Variants in HAPLN1 observed in about 807,000 individuals in gnomAD.
The protein encoded by HAPLN1 is hyaluronan and proteoglycan link protein 1, also known as Cartilage link protein.
A neutral mutation model predicts 36.5 loss-of-function variants in HAPLN1; 13 were observed. The observed-to-expected ratio is 0.36, with a 90% CI of 0.23 to 0.57. The LOEUF is 0.57. HAPLN1 is among the 20% of genes least tolerant of loss of function. HAPLN1 has a pLI of 0.83. For missense variants in HAPLN1, 407 were observed against 439.7 expected, an observed-to-expected ratio of 0.93 and a Z score of 0.66; for synonymous variants, 202 against 169.8, an observed-to-expected ratio of 1.19 and a Z score of -1.48.
At chr5:83,645,475 C>CTTTTTTTTTCTTTTTTTTTTTTTTT (rs1554047320) in intron 3 of HAPLN1, among the ~76,000 whole-genome samples, 1 of 74,370 alleles carries the variant, frequency 1.3e-5, no homozygotes, top group African/African-American at 6.2e-5. Context: ...CTTTTTCTTT[C>CTTTTTTTTTCTTTTTTTTTTTTTTT]TTTTTTTTTT....
chr5:83,652,261 C>A, intron 3 of HAPLN1, 192 bp downstream of exon 3: 1 of 523,326 alleles, frequency 1.9e-6, no homozygotes. Flanking sequence ...TGCACATAAG[C>A]ATTGTGTATG....
chr5:83,717,253 T>C (rs1031016304), intron 1 of HAPLN1, among the ~76,000 whole-genome samples: 1 of 152,188 alleles, frequency 6.6e-6, no homozygotes, highest in Non-Finnish European at 1.5e-5. Context: ...TTATTTTATA[T>C]AATTGATGAT....
intron 1 of HAPLN1, among the ~76,000 whole-genome samples, chr5:83,685,274 T>C (rs1751092940): frequency 6.6e-6 from 1 of 152,206 alleles, no homozygotes; most frequent in Non-Finnish European, 1.5e-5. Context: ...CTATGTCCTC[T>C]GACACACTGT....
chr5:83,662,101 C>T (rs1750416547), intron 2 of HAPLN1, among the ~76,000 whole-genome samples: 1 of 151,950 alleles, frequency 6.6e-6, no homozygotes, highest in Non-Finnish European at 1.5e-5. Flanking sequence ...TGGGGTTTTG[C>T]CATGTTGGCC....
At chr5:83,646,212 T>C (rs1235899390) in intron 3 of HAPLN1, among the ~76,000 whole-genome samples, 1 of 152,234 alleles carries the variant, frequency 6.6e-6, no homozygotes, top group African/African-American at 2.4e-5. Context: ...ATTTCTCCCA[T>C]GGTTATTAAA....
chr5:83,662,570 T>C (rs1750434630), intron 2 of HAPLN1, among the ~76,000 whole-genome samples: 1 of 152,212 alleles, frequency 6.6e-6, no homozygotes, highest in African/African-American at 2.4e-5. Flanking sequence ...TTAGAATATT[T>C]TACTAATATG....
chr5:83,720,675 A>T (rs567437650), intron 1 of HAPLN1, 114 bp downstream of exon 1: 1 of 152,368 alleles, frequency 6.6e-6, no homozygotes, highest in African/African-American at 2.4e-5. Flanking sequence ...TAAACTCAAA[A>T]GAAAAGAATA....
intron 3 of HAPLN1, among the ~76,000 whole-genome samples, chr5:83,650,991 A>G (rs1750045659): frequency 6.6e-6 from 1 of 152,130 alleles, no homozygotes; most frequent in African/African-American, 2.4e-5. Context: ...CCTTTAAAAC[A>G]GTGACCTTAT....
At chr5:83,654,688 C>G (rs369728172) in intron 2 of HAPLN1, among the ~76,000 whole-genome samples, 4 of 152,202 alleles carry the variant, frequency 2.6e-5, no homozygotes, top group African/African-American at 9.7e-5. Flanking sequence ...TAAAATAGGT[C>G]TCAGTTTCAT....
At chr5:83,682,111 T>G (rs1272377451) in intron 1 of HAPLN1, among the ~76,000 whole-genome samples, 2 of 152,184 alleles carry the variant, frequency 1.3e-5, no homozygotes, top group Non-Finnish European at 2.9e-5. Context: ...AAATTTTAAA[T>G]CTCTTTAAAA....
chr5:83,711,303 A>G (rs1751779895), intron 1 of HAPLN1, among the ~76,000 whole-genome samples: 1 of 152,220 alleles, frequency 6.6e-6, no homozygotes, highest in Admixed American at 6.5e-5. Context: ...ATAAAGCATG[A>G]AAGATACAGC....
intron 2 of HAPLN1, among the ~76,000 whole-genome samples, chr5:83,664,057 C>G (rs1380831572): frequency 2.0e-5 from 3 of 152,158 alleles, no homozygotes; most frequent in African/African-American, 2.4e-5. Context: ...ACTCTGAACT[C>G]TGGACCACTT....
In HAPLN1 at chr5:83,639,577, A is replaced by C. The variant is rs1749620411; in HGVS notation, c.*1919T>G. ...GCTAGCCCCCATATTTGAGGTGTTA[A>C]AGTTGTTATTTGGGAGATAGTCCCC... On this transcript the variant is annotated 3_prime_UTR_variant, in exon 5 of 5. Coordinates refer to ENST00000274341, the MANE Select transcript of HAPLN1 (RefSeq NM_001884.4). 1 of 152,024 alleles carries C rather than the reference A, an allele frequency of 6.6e-6. No individual in the cohort carries two copies. Among genetic ancestry groups the C allele is most frequent in the Non-Finnish European group, 1.5e-5 (1 of 67,930 alleles). The allele number at this position is 152,024 out of a possible 1,614,324, so 9.4% of individuals were successfully genotyped here.
chr5:83,704,778 A>T (rs772161811), intron 1 of HAPLN1, among the ~76,000 whole-genome samples: 6 of 152,208 alleles, frequency 3.9e-5, no homozygotes, highest in Non-Finnish European at 7.3e-5. Flanking sequence ...ACCTGCAAAG[A>T]GACATAAGAC....
intron 1 of HAPLN1, among the ~76,000 whole-genome samples, chr5:83,715,170 G>A (rs905614133): frequency 2.6e-4 from 39 of 152,304 alleles, no homozygotes; most frequent in African/African-American, 9.1e-4. Context: ...GCTCCCAGAT[G>A]TTTAAAATTC....
At chr5:83,690,147 A>T (rs542628105) in intron 1 of HAPLN1, among the ~76,000 whole-genome samples, 11 of 152,212 alleles carry the variant, frequency 7.2e-5, no homozygotes, top group African/African-American at 2.4e-4. Context: ...CTCCTCTGTC[A>T]TATCTGTTTG....
At chr5:83,668,345 A>G (rs1392941004) in intron 2 of HAPLN1, among the ~76,000 whole-genome samples, 1 of 152,160 alleles carries the variant, frequency 6.6e-6, no homozygotes, top group Non-Finnish European at 1.5e-5. Flanking sequence ...GGTGAGAAAT[A>G]AGCTCAGATT....
At chr5:83,680,743 C>T (rs905778886) in intron 1 of HAPLN1, among the ~76,000 whole-genome samples, 2 of 152,112 alleles carry the variant, frequency 1.3e-5, no homozygotes, top group African/African-American at 4.8e-5. Context: ...AAAAACTAGA[C>T]AACCAATATG....
chr5:83,698,851 A>G (rs908132536), intron 1 of HAPLN1, among the ~76,000 whole-genome samples: 2 of 152,252 alleles, frequency 1.3e-5, no homozygotes, highest in African/African-American at 4.8e-5. Context: ...AAGTGAAATG[A>G]ATTTGAACTT....
Sources: allele counts gnomAD v4.1 joint callset (sites outside exome capture counted in the v4.1 genomes callset), GRCh38; gene constraint gnomAD v4.1.1; transcripts MANE v1.5; gene names NCBI Gene and HGNC (gene_info 2026-07-23, HGNC 2026-07-21).